The following CNIH3 variants were observed in gnomAD, a reference collection of about 807,000 sequenced individuals.
CNIH3 encodes protein cornichon homolog 3.
CNIH3 carries 14 observed loss-of-function variants against 24.1 expected under a neutral mutation model. That is an observed-to-expected ratio of 0.58 (90% CI 0.38 to 0.91). CNIH3 has a LOEUF of 0.91. Among genes scored for constraint, CNIH3 ranks in the 40% least tolerant of loss-of-function variants. CNIH3 has a pLI of 0.00. For missense variants in CNIH3, 178 were observed against 196.8 expected (o/e 0.90, Z 0.57); for synonymous variants, 68 against 73.8 (o/e 0.92, Z 0.40).
intron 1 of CNIH3, among the ~76,000 whole-genome samples, chr1:224,502,729 A>G (rs1677730209): frequency 6.6e-6 from 1 of 152,198 alleles, no homozygotes. Context: ...CCCTTTTCAT[A>G]GTTTTCACCG....
intron 1 of CNIH3, among the ~76,000 whole-genome samples, chr1:224,437,426 G>A (rs2102938689): frequency 6.6e-6 from 1 of 152,212 alleles, no homozygotes; most frequent in African/African-American, 2.4e-5. Context: ...TTTTTTCAGG[G>A]ATGCTGTAGA....
intron 2 of CNIH3, among the ~76,000 whole-genome samples, chr1:224,682,901 A>G (rs1211897901): frequency 6.6e-6 from 1 of 152,252 alleles, no homozygotes; most frequent in Non-Finnish European, 1.5e-5. Flanking sequence ...AATTTGTCCT[A>G]CTGCTCAATT....
chr1:224,662,671 T>C (rs1335558580), intron 1 of CNIH3, among the ~76,000 whole-genome samples: 2 of 152,248 alleles, frequency 1.3e-5, no homozygotes, highest in Non-Finnish European at 2.9e-5. Flanking sequence ...ACTTATATAC[T>C]TAATTTATGG....
intron 3 of CNIH3, among the ~76,000 whole-genome samples, chr1:224,726,946 G>A (rs551690821): frequency 7.7e-4 from 117 of 152,246 alleles, no homozygotes; most frequent in Middle Eastern, 3.4e-3. Context: ...TGTGGTGAGC[G>A]CTTGCATCAG....
chr1:224,724,863 A>T (rs1011196507), intron 3 of CNIH3, among the ~76,000 whole-genome samples: 1 of 152,050 alleles, frequency 6.6e-6, no homozygotes, highest in Non-Finnish European at 1.5e-5. Flanking sequence ...TCACGGTAAG[A>T]GCAACAAGTT....
chr1:224,666,442 C>A (rs1479103264), intron 1 of CNIH3, among the ~76,000 whole-genome samples: 1 of 152,154 alleles, frequency 6.6e-6, no homozygotes, highest in Non-Finnish European at 1.5e-5. Context: ...ATGCCTGGCT[C>A]TTAAAATTTC....
At chr1:224,692,973 AT>A in intron 3 of CNIH3, among the ~76,000 whole-genome samples, 1 of 152,306 alleles carries the variant, frequency 6.6e-6, no homozygotes, top group Non-Finnish European at 1.5e-5. Flanking sequence ...GTCCGAGTGG[AT>A]TCTTTTAAGG....
At chr1:224,534,157 C>A (rs1444625910) in intron 2 of CNIH3, among the ~76,000 whole-genome samples, 2 of 152,104 alleles carry the variant, frequency 1.3e-5, no homozygotes, top group African/African-American at 2.4e-5. Flanking sequence ...AGAGCGAGAC[C>A]ATGTCTCAGA....
At chr1:224,589,110 T>A (rs534906352), downstream of CNIH3, among the ~76,000 whole-genome samples, 70 of 152,072 alleles carry the variant, frequency 4.6e-4, no homozygotes, top group South Asian at 1.7e-3. Flanking sequence ...TAAGAAAACC[T>A]GCAATGCGCG....
chr1:224,586,544 C>CA lies in CNIH3; in HGVS notation n.621-1816dup, dbSNP rs1354761773. Among the ~76,000 whole-genome samples the CA allele has an allele frequency of 5.3e-5, 8 of 152,224 alleles. No individual in the cohort carries two copies. In the East Asian group the frequency reaches 1.5e-3, roughly 29 times the overall value. On this transcript the variant is annotated intron_variant and non_coding_transcript_variant, in intron 5 of 5. Coordinates refer to the CNIH3 transcript ENST00000471578. ...GGGACACAGCCAAACCATATCAGGC[C>CA]AGTACTTTGCTTCCCTGGGAGACTT... is the stretch of plus-strand genomic sequence containing the variant.
rs996473252 is a variant in CNIH3, at chr1:224,684,980, G to A, written c.198+137G>A. 3 of 798,862 alleles carry A rather than the reference G, an allele frequency of 3.8e-6. No individual in the cohort carries two copies. Among genetic ancestry groups the A allele is most frequent in the African/African-American group, 1.7e-5 (1 of 59,262 alleles). 49.5% of individuals were successfully genotyped at this position (798,862 alleles called of 1,614,324 possible). On this transcript the variant is annotated intron_variant, in intron 3 of 5. Transcript: ENST00000272133. The surrounding 1 kb of genome is among the most constrained non-coding windows in gnomAD (Gnocchi z 4.2). ...CAAATGGTGGCAGGGAAAGGGGGAG[G>A]TGGGAGCAAGTGATCAGTTCTTTGG... is the stretch of plus-strand genomic sequence containing the variant.
intron 3 of CNIH3, among the ~76,000 whole-genome samples, chr1:224,551,266 C>T (rs1679909509): frequency 6.6e-6 from 1 of 152,172 alleles, no homozygotes; most frequent in Admixed American, 6.5e-5. Context: ...AAGACACATG[C>T]ACACATATGT....
chr1:224,690,895 T>C (rs1340922116), intron 3 of CNIH3, among the ~76,000 whole-genome samples: 1 of 152,130 alleles, frequency 6.6e-6, no homozygotes, highest in Non-Finnish European at 1.5e-5. Flanking sequence ...CTCCCACTAA[T>C]GGGCACCTGT....
At chr1:224,493,717 A>T (rs1475547480) in intron 1 of CNIH3, among the ~76,000 whole-genome samples, 1 of 152,084 alleles carries the variant, frequency 6.6e-6, no homozygotes, top group African/African-American at 2.4e-5. Flanking sequence ...ATTCAGTGGT[A>T]CTCCCAAAAG....
intron 1 of CNIH3, among the ~76,000 whole-genome samples, chr1:224,651,593 C>T (rs1020885820): frequency 1.3e-5 from 2 of 152,142 alleles, no homozygotes; most frequent in African/African-American, 4.8e-5. Flanking sequence ...TAGAGTGTGT[C>T]TTGATTTTGG....
chr1:224,465,214 A>T (rs1347576415), intron 1 of CNIH3, among the ~76,000 whole-genome samples: 2 of 151,810 alleles, frequency 1.3e-5, no homozygotes, highest in Non-Finnish European at 2.9e-5. Context: ...GATTCAAGCG[A>T]TTCTCCTGCC....
chr1:224,711,492 A>G (rs1688144919), intron 3 of CNIH3, among the ~76,000 whole-genome samples: 1 of 151,814 alleles, frequency 6.6e-6, no homozygotes, highest in Non-Finnish European at 1.5e-5. Flanking sequence ...AGCTCTAACC[A>G]TTTTACTTTT....
chr1:224,468,785 A>G (rs1001550957), intron 1 of CNIH3, among the ~76,000 whole-genome samples: 2 of 151,616 alleles, frequency 1.3e-5, no homozygotes, highest in East Asian at 1.9e-4. Context: ...TGCCACTGCC[A>G]CTGCACTCCA....
intron 3 of CNIH3, among the ~76,000 whole-genome samples, chr1:224,559,395 T>C (rs1680270404): frequency 6.6e-6 from 1 of 152,228 alleles, no homozygotes. Flanking sequence ...TTTTAGGTCT[T>C]GCTCCGTCAC....
Sources: gnomAD v4.1 joint callset for allele counts (sites outside exome capture counted in the v4.1 genomes callset) on GRCh38, gnomAD v4.1.1 for gene constraint, Gnocchi (gnomAD v3.1) non-coding constraint, MANE v1.5 for transcripts, NCBI Gene and HGNC (gene_info 2026-07-23, HGNC 2026-07-21) for gene names.